The following USP37 variants were observed in gnomAD, a reference collection of about 807,000 sequenced individuals.
The protein encoded by USP37 is ubiquitin carboxyl-terminal hydrolase 37.
In USP37, 27 loss-of-function variants were observed where a neutral mutation model predicts 124.0. The observed-to-expected ratio is 0.22, with a 90% CI of 0.16 to 0.30. USP37 has a LOEUF of 0.30. USP37 is among the 10% of genes least tolerant of loss of function. The pLI is 1.00. For missense variants in USP37, 889 were observed against 1,140.4 expected (o/e 0.78, Z 3.17); for synonymous variants, 365 against 388.0 (o/e 0.94, Z 0.70).
At chr2:218,488,893 C>T (rs1433846522) in intron 14 of USP37, among the ~76,000 whole-genome samples, 1 of 151,940 alleles carries the variant, frequency 6.6e-6, no homozygotes, top group Non-Finnish European at 1.5e-5. Context: ...CCTTAGCCTC[C>T]CAAAGTACTG....
intron 11 of USP37, among the ~76,000 whole-genome samples, chr2:218,503,529 A>G (rs1291345026): frequency 6.6e-6 from 1 of 152,202 alleles, no homozygotes; most frequent in Non-Finnish European, 1.5e-5. Flanking sequence ...CAGCCTGACC[A>G]ATATGGAGAA....
intron 4 of USP37, among the ~76,000 whole-genome samples, chr2:218,554,060 A>C (rs1374315957): frequency 6.6e-6 from 1 of 152,240 alleles, no homozygotes; most frequent in African/African-American, 2.4e-5. Context: ...AACAACCATG[A>C]AAACTTTTTA....
At chr2:218,511,415 T>C (rs549330727) in intron 10 of USP37, among the ~76,000 whole-genome samples, 4 of 152,334 alleles carry the variant, frequency 2.6e-5, no homozygotes, top group African/African-American at 7.2e-5. Flanking sequence ...TTCAAGCGAT[T>C]CTCCTGCCTC....
At chr2:218,455,139 T>A in intron 25 of USP37, 122 bp from the exon 26 acceptor site, 1 of 1,162,084 alleles carries the variant, frequency 8.6e-7, no homozygotes, top group Non-Finnish European at 1.2e-6. Flanking sequence ...ATTTCATGCC[T>A]GTATTTTATT....
At chr2:218,552,678 A>G (rs1692730261) in intron 5 of USP37, among the ~76,000 whole-genome samples, 1 of 152,174 alleles carries the variant, frequency 6.6e-6, no homozygotes, top group Non-Finnish European at 1.5e-5. Flanking sequence ...TTTAAATGAA[A>G]GGGGTTAGAG....
At chr2:218,545,074 A>C (rs972220642) in intron 8 of USP37, among the ~76,000 whole-genome samples, 16 of 152,198 alleles carry the variant, frequency 1.1e-4, no homozygotes, top group Non-Finnish European at 2.2e-4. Context: ...GATAGAGATA[A>C]GGGTGTTCTA....
intron 14 of USP37, among the ~76,000 whole-genome samples, chr2:218,491,998 C>CA (rs1374980720): frequency 3.3e-5 from 5 of 152,022 alleles, no homozygotes; most frequent in African/African-American, 1.2e-4. Context: ...CCACAAGTGT[C>CA]AGACCAGCCT....
intron 20 of USP37, among the ~76,000 whole-genome samples, chr2:218,472,112 C>T (rs1690728866): frequency 6.6e-6 from 1 of 151,872 alleles, no homozygotes; most frequent in East Asian, 1.9e-4. Context: ...AGAGTCTTTC[C>T]TTCGCAATGT....
intron 15 of USP37, among the ~76,000 whole-genome samples, chr2:218,486,998 T>C (rs1691607636): frequency 6.6e-6 from 1 of 152,176 alleles, no homozygotes; most frequent in Admixed American, 6.5e-5. Flanking sequence ...AGTGCTGGGA[T>C]TACAGGCGTT....
intron 14 of USP37, 37 bp from the exon 15 acceptor site, chr2:218,488,458 C>T (rs769505551): frequency 4.3e-6 from 6 of 1,399,300 alleles, no homozygotes; most frequent in Middle Eastern, 1.8e-4. Flanking sequence ...GCATTTAGAC[C>T]AATACACAAG....
chr2:218,554,530 T>C (rs1051496393), intron 4 of USP37, among the ~76,000 whole-genome samples: 2 of 152,130 alleles, frequency 1.3e-5, no homozygotes, highest in Non-Finnish European at 2.9e-5. Context: ...GCAGATCACC[T>C]GAGGTCAGGA....
intron 8 of USP37, among the ~76,000 whole-genome samples, chr2:218,537,000 A>T (rs1691683464): frequency 1.3e-5 from 2 of 152,188 alleles, no homozygotes; most frequent in Admixed American, 1.3e-4. Flanking sequence ...TACACAATAG[A>T]TCGTATTGGG....
Position 218,542,956 on chromosome 2 carries a change from G to A in USP37, c.680+3265C>T, listed in dbSNP as rs368741362. 7.9e-5 allele frequency among the ~76,000 whole-genome samples: 12 copies of A among 152,232 alleles called. No homozygotes were observed. In the East Asian group the frequency reaches 1.7e-3, roughly 22 times the overall value. On this transcript the variant is annotated intron_variant, in intron 8 of 25. Transcript: ENST00000258399. ...TAGCACTGGCTTAGTAAGAGGATAG[G>A]GAGGTACGAATACCGATATTACAGA...
intron 10 of USP37, among the ~76,000 whole-genome samples, chr2:218,517,819 G>A (rs1439897808): frequency 2.0e-5 from 3 of 151,988 alleles, no homozygotes; most frequent in Non-Finnish European, 4.4e-5. Context: ...CCTCTTCTTT[G>A]AGACTTTAAT....
In USP37 at chr2:218,451,098, T is replaced by C. The variant is rs1016141758; in HGVS notation, c.*3832A>G. 3 of 152,150 alleles carry C rather than the reference T, an allele frequency of 2.0e-5. No individual in the cohort carries two copies. The highest frequency in any genetic ancestry group is 1.3e-4 in the Admixed American group (2 of 15,258). 9.4% of individuals were successfully genotyped at this position (152,150 alleles called of 1,614,324 possible). A position where few individuals can be genotyped will look rare whatever the true frequency, so the allele number is the denominator to read the frequency against. On this transcript the variant is annotated 3_prime_UTR_variant, in exon 26 of 26. Coordinates refer to ENST00000258399, the MANE Select transcript of USP37 (RefSeq NM_020935.3). ...TTTTTTCAGATGTTAATAAGACATA[T>C]CAGTAGAGACAAAATTAGGATTTTG...
At chr2:218,498,853 T>G (rs1417342479) in intron 11 of USP37, among the ~76,000 whole-genome samples, 1 of 152,196 alleles carries the variant, frequency 6.6e-6, no homozygotes, top group African/African-American at 2.4e-5. Context: ...TACTTATAAT[T>G]TATTTTTTCA....
intron 11 of USP37, among the ~76,000 whole-genome samples, chr2:218,509,173 A>G (rs563513077): frequency 5.9e-5 from 9 of 152,336 alleles, no homozygotes; most frequent in African/African-American, 2.2e-4. Flanking sequence ...ATTAATATAC[A>G]TAGGTGCCAA....
At chr2:218,459,758 G>T in intron 23 of USP37, 32 bp downstream of exon 23, 1 of 1,578,094 alleles carries the variant, frequency 6.3e-7, no homozygotes, top group South Asian at 1.1e-5. Flanking sequence ...CACTGAATTT[G>T]ACCAACTGTA....
At chr2:218,494,107 C>T (rs985372097) in intron 14 of USP37, among the ~76,000 whole-genome samples, 7 of 152,178 alleles carry the variant, frequency 4.6e-5, no homozygotes, top group African/African-American at 1.7e-4. Context: ...ACCATTTATC[C>T]ACCAGGGGGA....
Sources: allele counts gnomAD v4.1 joint callset (sites outside exome capture counted in the v4.1 genomes callset), GRCh38; gene constraint gnomAD v4.1.1; transcripts MANE v1.5; gene names NCBI Gene and HGNC (gene_info 2026-07-23, HGNC 2026-07-21).